The following CHSY3 variants were observed in gnomAD, a reference collection of about 807,000 sequenced individuals.
The protein encoded by CHSY3 is N-acetylgalactosaminyl-proteoglycan 3-beta-glucuronosyltransferase 3.
Under a neutral mutation model 67.2 loss-of-function variants are expected in CHSY3, and 35 were observed. That is an observed-to-expected ratio of 0.52 (90% CI 0.40 to 0.69). CHSY3 has a LOEUF of 0.69. CHSY3 is among the 30% of genes least tolerant of loss of function. The pLI is 0.00. For synonymous variants in CHSY3, 474 were observed against 434.7 expected (o/e 1.09, Z -1.12); for missense variants, 1,069 against 1,138.5 (o/e 0.94, Z 0.88).
intron 2 of CHSY3, among the ~76,000 whole-genome samples, chr5:130,151,255 C>A (rs1246707434): frequency 6.6e-6 from 1 of 152,160 alleles, no homozygotes; most frequent in African/African-American, 2.4e-5. Context: ...AAAAATTACA[C>A]TTTCAAGACT....
intron 1 of CHSY3, among the ~76,000 whole-genome samples, chr5:129,906,453 C>T (rs1318221134): frequency 2.0e-5 from 3 of 152,228 alleles, no homozygotes; most frequent in East Asian, 1.9e-4. Flanking sequence ...CTTTCCAGTG[C>T]ATTTTGTTGG....
intron 2 of CHSY3, among the ~76,000 whole-genome samples, chr5:130,030,570 TG>T (rs1451699109): frequency 1.3e-5 from 2 of 152,182 alleles, no homozygotes; most frequent in Non-Finnish European, 2.9e-5. Flanking sequence ...ATTATTATTT[TG>T]GTTTCTGAAA....
chr5:130,157,378 G>T (rs1769402464), intron 2 of CHSY3, among the ~76,000 whole-genome samples: 1 of 152,202 alleles, frequency 6.6e-6, no homozygotes, highest in South Asian at 2.1e-4. Flanking sequence ...AAAGGAGAGA[G>T]ACTAGGGTGC....
chr5:129,978,090 A>G (rs1762867231), intron 2 of CHSY3, among the ~76,000 whole-genome samples: 1 of 152,182 alleles, frequency 6.6e-6, no homozygotes, highest in African/African-American at 2.4e-5. Context: ...AATTACTTAT[A>G]CAGGAAGTTT....
chr5:129,916,493 T>C (rs1760733566), intron 2 of CHSY3, among the ~76,000 whole-genome samples: 1 of 152,176 alleles, frequency 6.6e-6, no homozygotes, highest in Non-Finnish European at 1.5e-5. Flanking sequence ...AAGGTAAAAC[T>C]TTCATGTAAA....
intron 2 of CHSY3, among the ~76,000 whole-genome samples, chr5:130,182,818 A>G (rs1770289532): frequency 6.6e-6 from 1 of 151,846 alleles, no homozygotes; most frequent in Admixed American, 6.6e-5. Flanking sequence ...TCTTCTTCCT[A>G]CGTTTTTCAC....
intron 2 of CHSY3, among the ~76,000 whole-genome samples, chr5:130,043,976 A>T (rs1765074137): frequency 6.6e-6 from 1 of 152,090 alleles, no homozygotes; most frequent in African/African-American, 2.4e-5. Context: ...GTTAAAATGC[A>T]TGTTAGACAT....
At chr5:130,143,786 A>ATATATATATATATATATGTG (rs1768970311) in intron 2 of CHSY3, among the ~76,000 whole-genome samples, 1 of 28,138 alleles carries the variant, frequency 3.6e-5, no homozygotes, top group African/African-American at 2.0e-4. Context: ...ATATATGTGT[A>ATATATATATATATATATGTG]TATATATATA....
intron 2 of CHSY3, among the ~76,000 whole-genome samples, chr5:130,070,417 A>T (rs1355877959): frequency 6.6e-6 from 1 of 152,108 alleles, no homozygotes; most frequent in Non-Finnish European, 1.5e-5. Flanking sequence ...GGACACAGTG[A>T]TTGAAAGGCA....
At chr5:130,121,900 C>T (rs750313047) in intron 2 of CHSY3, among the ~76,000 whole-genome samples, 1 of 152,078 alleles carries the variant, frequency 6.6e-6, no homozygotes, top group Non-Finnish European at 1.5e-5. Context: ...GACTGGCCCT[C>T]CTGATTCATG....
At chr5:130,035,886 G>GTTTTTTTTTTTTTTTTTTTTTTTTTT (rs1180462327) in intron 2 of CHSY3, among the ~76,000 whole-genome samples, 1 of 65,532 alleles carries the variant, frequency 1.5e-5, no homozygotes, top group African/African-American at 6.0e-5. Context: ...TCATTTGGTT[G>GTTTTTTTTTTTTTTTTTTTTTTTTTT]TTTTTTTTTT....
chr5:130,078,386 A>G (rs1056230119), intron 2 of CHSY3, among the ~76,000 whole-genome samples: 45 of 152,098 alleles, frequency 3.0e-4, no homozygotes, highest in African/African-American at 1.1e-3. Context: ...TGCCTATAGA[A>G]CTGCCACATA....
chr5:130,003,724 TGAGA>T (rs1219274782), intron 2 of CHSY3, among the ~76,000 whole-genome samples: 2 of 152,198 alleles, frequency 1.3e-5, no homozygotes, highest in Admixed American at 1.3e-4. Flanking sequence ...ATAGGCAATT[TGAGA>T]CCCTGTGGTC....
intron 2 of CHSY3, among the ~76,000 whole-genome samples, chr5:129,951,024 G>A (rs1451488616): frequency 5.3e-5 from 8 of 152,144 alleles, no homozygotes; most frequent in African/African-American, 1.9e-4. Flanking sequence ...AAACAGTGTA[G>A]TACTGGCATA....
intron 2 of CHSY3, among the ~76,000 whole-genome samples, chr5:130,161,553 G>A (rs528788304): frequency 6.6e-6 from 1 of 152,224 alleles, no homozygotes; most frequent in Non-Finnish European, 1.5e-5. Flanking sequence ...TTAACTTTAA[G>A]GAATTATATT....
intron 2 of CHSY3, among the ~76,000 whole-genome samples, chr5:129,979,064 G>A (rs1450260578): frequency 4.6e-5 from 7 of 151,672 alleles, no homozygotes; most frequent in Non-Finnish European, 1.0e-4. Flanking sequence ...GCCGGGTGTG[G>A]TGGTGGGCGC....
At chr5:130,024,333 A>G (rs943656540) in intron 2 of CHSY3, among the ~76,000 whole-genome samples, 2 of 152,112 alleles carry the variant, frequency 1.3e-5, no homozygotes, top group African/African-American at 4.8e-5. Context: ...TAAAAATGAC[A>G]GTTGTTCATC....
At chr5:130,146,415 A>G (rs549341655) in intron 2 of CHSY3, among the ~76,000 whole-genome samples, 2 of 152,306 alleles carry the variant, frequency 1.3e-5, no homozygotes, top group East Asian at 1.9e-4. Flanking sequence ...GTTATCAAAC[A>G]TACCAGAGAG....
At chr5:129,979,773 C>G (rs1762929346) in intron 2 of CHSY3, among the ~76,000 whole-genome samples, 1 of 152,146 alleles carries the variant, frequency 6.6e-6, no homozygotes, top group Non-Finnish European at 1.5e-5. Flanking sequence ...CCCCCAGTCC[C>G]TGGTAACCAT....
Sources: allele counts gnomAD v4.1 joint callset (sites outside exome capture counted in the v4.1 genomes callset), GRCh38; gene constraint gnomAD v4.1.1; transcripts MANE v1.5; gene names NCBI Gene and HGNC (gene_info 2026-07-23, HGNC 2026-07-21).